GPHN: variants seen among roughly 807,000 people sequenced by gnomAD.
GPHN encodes the protein gephyrin.
GPHN carries 17 observed loss-of-function variants against 95.5 expected under a neutral mutation model. That is an observed-to-expected ratio of 0.18 (90% CI 0.12 to 0.27). The LOEUF is 0.27. Among genes scored for constraint, GPHN ranks in the 10% least tolerant of loss-of-function variants. The pLI is 1.00. For synonymous variants in GPHN, 320 were observed against 322.5 expected (o/e 0.99, Z 0.08); for missense variants, 660 against 978.1 (o/e 0.67, Z 4.34).
At chr14:67,656,565 T>G in the GPHN span, 2 of 1,612,190 alleles carry the variant, frequency 1.2e-6, no homozygotes, top group Non-Finnish European at 1.7e-6. Context: ...TGCAGAAGCA[T>G]TGCCCTTTGA....
chr14:67,322,541 A>G, the GPHN span, among the ~76,000 whole-genome samples: 2 of 152,124 alleles, frequency 1.3e-5, no homozygotes, highest in African/African-American at 2.4e-5. Context: ...CATAAAGGAG[A>G]ATTGACTCTA....
chr14:66,770,811 TATC>T (rs932419537), intron 2 of GPHN, among the ~76,000 whole-genome samples: 1 of 152,082 alleles, frequency 6.6e-6, no homozygotes, highest in Admixed American at 6.6e-5. Flanking sequence ...AGTATATTGT[TATC>T]ATTGTTTTAT....
At chr14:67,575,305 G>A in the GPHN span, 18 of 754,452 alleles carry the variant, frequency 2.4e-5, no homozygotes, top group South Asian at 2.9e-4. Flanking sequence ...GGTCAAATCT[G>A]TCTCCCTGTG....
At chr14:67,497,779 G>A in the GPHN span, among the ~76,000 whole-genome samples, 1 of 151,784 alleles carries the variant, frequency 6.6e-6, no homozygotes, top group African/African-American at 2.4e-5. Flanking sequence ...AACCCCAGCA[G>A]CACCTCTCCT....
At chr14:67,228,715 G>A in the GPHN span, among the ~76,000 whole-genome samples, 2 of 152,098 alleles carry the variant, frequency 1.3e-5, no homozygotes, top group African/African-American at 4.8e-5. Flanking sequence ...GGAAAAATTT[G>A]TTATTCTCTT....
the GPHN span, among the ~76,000 whole-genome samples, chr14:67,634,504 A>C: frequency 3.3e-5 from 5 of 151,384 alleles, no homozygotes; most frequent in African/African-American, 1.2e-4. Context: ...TGAGGTAGGA[A>C]GATGGCTTGA....
chr14:66,744,464 G>T (rs1017005040), intron 2 of GPHN, among the ~76,000 whole-genome samples: 2 of 152,162 alleles, frequency 1.3e-5, no homozygotes, highest in Non-Finnish European at 2.9e-5. Flanking sequence ...ATGAGAATGA[G>T]TTCTTTATAG....
At chr14:67,190,533 T>C in the GPHN span, among the ~76,000 whole-genome samples, 1 of 152,214 alleles carries the variant, frequency 6.6e-6, no homozygotes, top group African/African-American at 2.4e-5. Flanking sequence ...TGTTTTGAAA[T>C]TTTGATTTTT....
chr14:67,508,766 A>AAAAAAAAAAAAAAAAC, the GPHN span, among the ~76,000 whole-genome samples: 1 of 150,780 alleles, frequency 6.6e-6, no homozygotes, highest in Admixed American at 6.6e-5. Flanking sequence ...AAAAAAAAAA[A>AAAAAAAAAAAAAAAAC]AAAAACAGAA....
At chr14:66,668,110 A>T (rs75793197) in intron 1 of GPHN, among the ~76,000 whole-genome samples, 1,849 of 152,316 alleles carry the variant, frequency 0.012, 20 homozygotes, top group Non-Finnish European at 0.018. Flanking sequence ...CAGAATGGCT[A>T]TTATTAAAGA....
chr14:67,579,562 T>G, the GPHN span: 1 of 710,356 alleles, frequency 1.4e-6, no homozygotes, highest in South Asian at 1.9e-5. Context: ...ACATCCCTCA[T>G]GCACTGGCCC....
the GPHN span, chr14:67,395,483 A>G: frequency 1.2e-6 from 2 of 1,613,974 alleles, no homozygotes; most frequent in East Asian, 4.5e-5. Context: ...CCCTGCATGA[A>G]TAGCCCCGGT....
At chr14:67,217,491 A>G in the GPHN span, among the ~76,000 whole-genome samples, 9,796 of 152,050 alleles carry the variant, frequency 0.064, 595 homozygotes, top group African/African-American at 0.16. Context: ...TTTGCTCCTT[A>G]CTTCTCTTAT....
the GPHN span, chr14:67,202,997 CT>C: frequency 7.8e-7 from 1 of 1,288,096 alleles, no homozygotes; most frequent in Non-Finnish European, 1.1e-6. Flanking sequence ...TTCATTCCTC[CT>C]TTATTTCCTA....
intron 8 of GPHN, among the ~76,000 whole-genome samples, chr14:66,924,954 G>T (rs769639273): frequency 6.6e-6 from 1 of 151,592 alleles, no homozygotes; most frequent in African/African-American, 2.4e-5. Flanking sequence ...AAAAAAAAAC[G>T]ATCTAAGTCC....
chr14:66,615,624 T>C (rs547774556), intron 1 of GPHN, among the ~76,000 whole-genome samples: 1 of 152,228 alleles, frequency 6.6e-6, no homozygotes, highest in South Asian at 2.1e-4. Flanking sequence ...TAGACCTTTG[T>C]CCAATGTGTA....
intron 1 of GPHN, among the ~76,000 whole-genome samples, chr14:66,516,173 ATTT>A (rs1415948060): frequency 5.0e-5 from 7 of 138,936 alleles, no homozygotes; most frequent in Admixed American, 7.2e-5. Context: ...TGCCTGGCTA[ATTT>A]TTTTTTTTTT....
chr14:67,586,976 C>T, the GPHN span: 1 of 1,535,998 alleles, frequency 6.5e-7, no homozygotes, highest in Non-Finnish European at 8.8e-7. Flanking sequence ...ATTAAATAAA[C>T]TGAGGCCCAG....
intron 1 of GPHN, among the ~76,000 whole-genome samples, chr14:66,564,590 T>G (rs372261303): frequency 6.6e-6 from 1 of 152,284 alleles, no homozygotes; most frequent in Non-Finnish European, 1.5e-5. Context: ...TAAAGTATAG[T>G]CTTTTGCTTA....
Sources: allele counts gnomAD v4.1 joint callset (sites outside exome capture counted in the v4.1 genomes callset), GRCh38; gene constraint gnomAD v4.1.1; transcripts MANE v1.5; gene names NCBI Gene and HGNC (gene_info 2026-07-23, HGNC 2026-07-21).